The following AEBP2 variants were observed in gnomAD, a reference collection of about 807,000 sequenced individuals.
AEBP2 encodes the protein zinc finger protein AEBP2.
AEBP2 carries 10 observed loss-of-function variants against 50.8 expected under a neutral mutation model. That is an observed-to-expected ratio of 0.20 (90% CI 0.12 to 0.33). AEBP2 has a LOEUF of 0.33. Ranked by LOEUF, AEBP2 falls within the 10% of genes least tolerant of loss-of-function variation. The pLI is 1.00. For missense variants in AEBP2, 570 were observed against 688.0 expected, an observed-to-expected ratio of 0.83 and a Z score of 1.92; for synonymous variants, 296 against 261.3, an observed-to-expected ratio of 1.13 and a Z score of -1.28.
At chr12:19,511,934 A>C (rs1345130318) in intron 5 of AEBP2, among the ~76,000 whole-genome samples, 2 of 152,158 alleles carry the variant, frequency 1.3e-5, no homozygotes, top group Non-Finnish European at 2.9e-5. Context: ...GGGAAAGACA[A>C]AGGTTTGAGT....
intron 3 of AEBP2, among the ~76,000 whole-genome samples, chr12:19,484,339 C>G (rs1235024374): frequency 6.8e-6 from 1 of 146,980 alleles, no homozygotes; most frequent in Non-Finnish European, 1.5e-5. Context: ...TTCTGGTGAT[C>G]CGCCTCCCCT....
chr12:19,479,748 T>TTTTTA (rs1328091956), intron 3 of AEBP2, among the ~76,000 whole-genome samples: 2 of 114,276 alleles, frequency 1.8e-5, no homozygotes, highest in East Asian at 2.9e-4. Flanking sequence ...TTTTTTTTTT[T>TTTTTA]ACTATTGTTG....
chr12:19,421,033 G>C (rs1325531768), intron 1 of AEBP2, among the ~76,000 whole-genome samples: 1 of 152,134 alleles, frequency 6.6e-6, no homozygotes, highest in Non-Finnish European at 1.5e-5. Flanking sequence ...GAGTAAGAGT[G>C]CTATTCACTA....
chr12:19,504,303 C>T (rs181298107), intron 5 of AEBP2, among the ~76,000 whole-genome samples: 3 of 151,572 alleles, frequency 2.0e-5, no homozygotes, highest in South Asian at 2.1e-4. Context: ...GGCGCGATCT[C>T]GGCTCACTGC....
chr12:19,440,299 C>T lies in AEBP2; in HGVS notation c.600C>T (p.Ser200=), dbSNP rs746069011. 1.4e-5 allele frequency: 20 copies of T among 1,462,440 alleles called. No homozygotes were observed. The highest frequency in any genetic ancestry group is 5.7e-5 in the South Asian group (4 of 70,456). 90.6% of individuals were successfully genotyped at this position (1,462,440 alleles called of 1,614,324 possible). ...GTGGGGSSAT[S]GGRRGSLEMS... is the part of the protein sequence containing the mutation. ...GGGGAGGCGGAAGCAGCGCGACCTC[C>T]GGGGGCCGGCGGGGCAGCTTGGAGA... The change falls in exon 1 of 8, where the codon TCC becomes TCT. Residue 200 remains serine, a synonymous_variant. Transcript: ENST00000266508.
At chr12:19,449,054 A>G (rs1487593652) in intron 1 of AEBP2, among the ~76,000 whole-genome samples, 1 of 152,144 alleles carries the variant, frequency 6.6e-6, no homozygotes, top group Non-Finnish European at 1.5e-5. Flanking sequence ...AGTGTTTTAA[A>G]TTAATCTTGG....
chr12:19,463,973 C>A (rs1948425485), intron 2 of AEBP2, among the ~76,000 whole-genome samples: 1 of 152,068 alleles, frequency 6.6e-6, no homozygotes, highest in African/African-American at 2.4e-5. Context: ...ACCGAAATTT[C>A]TTTTAAGACA....
chr12:19,512,474 T>G lies in AEBP2; in HGVS notation c.1367+9T>G, dbSNP rs1430867239. ...TGGATGCCTGAAGACATGTAAGTAT[T>G]TGAAATATTATGCCTTAGTAATAAG... On this transcript the variant is annotated intron_variant, in intron 6 of 7. Coordinates refer to ENST00000266508, the MANE Select transcript of AEBP2 (RefSeq NM_153207.5). 6.5e-7 allele frequency: 1 copy of G among 1,531,124 alleles called. No individual in the cohort carries two copies. Among genetic ancestry groups the G allele is most frequent in the African/African-American group, 1.4e-5 (1 of 72,596 alleles). 94.8% of individuals were successfully genotyped at this position (1,531,124 alleles called of 1,614,324 possible). A position where few individuals can be genotyped will look rare whatever the true frequency, so the allele number is the denominator to read the frequency against.
At chr12:19,516,696 G>T (rs1172448566) in intron 7 of AEBP2, among the ~76,000 whole-genome samples, 1 of 151,990 alleles carries the variant, frequency 6.6e-6, no homozygotes, top group Non-Finnish European at 1.5e-5. Context: ...GATATATTAG[G>T]TGCTTCTGTA....
intron 1 of AEBP2, chr12:19,413,104 A>T (rs2095740348): frequency 1.5e-6 from 1 of 656,012 alleles, no homozygotes; most frequent in Admixed American, 2.1e-5. Flanking sequence ...GCCGGGCCGA[A>T]TTCAGTTTTT....
Position 19,439,977 on chromosome 12 carries a change from C to G in AEBP2, c.278C>G (p.Ala93Gly), listed in dbSNP as rs1249913069. Residue 93 changes from alanine to glycine, a missense_variant, in exon 1 of 8, where the codon GCC becomes GGC. Physicochemically the swap from Ala to Gly is moderately conservative, Grantham distance 60 (BLOSUM62 0). This residue lies in a region of AEBP2 where 386 missense variants were observed against 336.8 expected (regional missense o/e 1.15). Coordinates refer to ENST00000266508, the MANE Select transcript of AEBP2 (RefSeq NM_153207.5). ...CCGAGCCCCGAGAGCGCCAGCCAGG[C>G]CGGGGAGGACGAAGACGAGGAGGAG... ...SEPSPESASQ[A>G]GEDEDEEEDD... The G allele has an allele frequency of 6.6e-7, 1 of 1,520,390 alleles. No homozygotes were observed. 94.2% of individuals were successfully genotyped at this position (1,520,390 alleles called of 1,614,324 possible).
intron 1 of AEBP2, among the ~76,000 whole-genome samples, chr12:19,412,073 GTTC>G (rs541262239): frequency 6.0e-4 from 92 of 152,374 alleles, no homozygotes; most frequent in Middle Eastern, 6.8e-3. Flanking sequence ...GCAAGGCTGA[GTTC>G]TTCTTATTCT....
chr12:19,446,848 A>C (rs2153367247), intron 1 of AEBP2, among the ~76,000 whole-genome samples: 1 of 152,142 alleles, frequency 6.6e-6, no homozygotes, highest in Admixed American at 6.5e-5. Context: ...GATCACTTGG[A>C]TCCAGGAGTC....
intron 1 of AEBP2, chr12:19,446,185 T>C (rs1387021153): frequency 6.6e-6 from 1 of 152,138 alleles, no homozygotes; most frequent in Non-Finnish European, 1.5e-5. Context: ...TGGTCTTAAA[T>C]ACTAAGACCC....
intron 1 of AEBP2, chr12:19,404,360 G>A (rs1022404883): frequency 2.6e-5 from 4 of 152,228 alleles, no homozygotes; most frequent in African/African-American, 9.7e-5. Context: ...TTCCCCTGTG[G>A]CCTGGGTTGC....
chr12:19,460,220 C>T (rs1157683715), intron 1 of AEBP2, among the ~76,000 whole-genome samples: 1 of 152,166 alleles, frequency 6.6e-6, no homozygotes, highest in Non-Finnish European at 1.5e-5. Flanking sequence ...AACATCCCCC[C>T]ACCCCTCACA....
chr12:19,468,552 G>A (rs1041028570), intron 2 of AEBP2, among the ~76,000 whole-genome samples: 1 of 152,074 alleles, frequency 6.6e-6, no homozygotes, highest in African/African-American at 2.4e-5. Flanking sequence ...AGATTTCATG[G>A]ATTCATTTGT....
At chr12:19,470,150 G>A (rs1690769642) in intron 2 of AEBP2, among the ~76,000 whole-genome samples, 1 of 150,286 alleles carries the variant, frequency 6.7e-6, no homozygotes, top group African/African-American at 2.5e-5. Context: ...TATTTTTGTG[G>A]ATCTTTCTTT....
chr12:19,466,016 T>A (rs1464491249), intron 2 of AEBP2, among the ~76,000 whole-genome samples: 1 of 151,910 alleles, frequency 6.6e-6, no homozygotes, highest in Admixed American at 6.6e-5. Flanking sequence ...GGTCTCGAAC[T>A]CCTGATCTCA....
Sources: gnomAD v4.1 joint callset for allele counts (sites outside exome capture counted in the v4.1 genomes callset) on GRCh38, gnomAD v4.1.1 for gene constraint, gnomAD v4.1.1 regional missense constraint, MANE v1.5 for transcripts, NCBI Gene and HGNC (gene_info 2026-07-23, HGNC 2026-07-21) for gene names.